Variants in LIG1 observed in about 807,000 individuals in gnomAD.
The protein encoded by LIG1 is DNA ligase 1.
A neutral mutation model predicts 115.7 loss-of-function variants in LIG1; 70 were observed. The ratio of observed to expected loss-of-function variants is 0.60; its 90% confidence interval spans 0.50 to 0.74. The LOEUF is 0.74. LIG1 is among the 30% of genes least tolerant of loss of function. The probability of loss-of-function intolerance (pLI) is 0.00; values close to 1 mark genes in which losing one functional copy is unlikely to be tolerated. For synonymous variants in LIG1, 487 were observed against 495.3 expected (o/e 0.98, Z 0.22); for missense variants, 1,115 against 1,225.6 (o/e 0.91, Z 1.35).
intron 9 of LIG1, among the ~76,000 whole-genome samples, chr19:48,144,316 G>C (rs907289995): frequency 2.0e-5 from 3 of 152,168 alleles, no homozygotes; most frequent in Non-Finnish European, 4.4e-5. Context: ...GGCAGCAGGG[G>C]ACGAGCATTC....
intron 4 of LIG1, chr19:48,161,152 G>A (rs1339752790): frequency 1.6e-6 from 1 of 618,016 alleles, no homozygotes; most frequent in African/African-American, 1.8e-5. Context: ...TGTTACAGTT[G>A]AGGCATCCAA....
chr19:48,138,666 C>T lies in LIG1; in HGVS notation c.1088-978G>A, dbSNP rs546247744. On this transcript the variant is annotated intron_variant, in intron 12 of 27. Coordinates refer to ENST00000263274, the MANE Select transcript of LIG1 (RefSeq NM_000234.3). ...GAGAGCAGTGTGAGTGTGAACACGACCCATCAAGGGTGGAGGCATGAGACA... is the reference window on the plus strand; with the variant it reads ...GAGAGCAGTGTGAGTGTGAACACGATCCATCAAGGGTGGAGGCATGAGACA... Among the ~76,000 whole-genome samples the T allele has an allele frequency of 1.7e-4, 26 of 152,316 alleles. No individual in the cohort carries two copies. In the East Asian group the frequency reaches 5.0e-3, roughly 29 times the overall value.
At chr19:48,149,696 G>A in intron 9 of LIG1, 67 bp downstream of exon 9, 1 of 1,250,706 alleles carries the variant, frequency 8.0e-7, no homozygotes, top group Non-Finnish European at 1.2e-6. Flanking sequence ...GCTGGGGGTG[G>A]GGCTGTCGGA....
intron 24 of LIG1, among the ~76,000 whole-genome samples, chr19:48,119,514 G>GTCC (rs1196480777): frequency 6.9e-6 from 1 of 144,680 alleles, no homozygotes; most frequent in Non-Finnish European, 1.5e-5. Flanking sequence ...GTAACTGGCT[G>GTCC]TCCTCACTTC....
At chr19:48,154,119 C>T in intron 5 of LIG1, 152 bp from the exon 6 acceptor site, 1 of 707,854 alleles carries the variant, frequency 1.4e-6, no homozygotes, top group South Asian at 1.5e-5. Flanking sequence ...GCAGGCCGCA[C>T]CCTTCAATCC....
chr19:48,117,303 G>A (rs1304575963), intron 26 of LIG1, among the ~76,000 whole-genome samples: 1 of 151,092 alleles, frequency 6.6e-6, no homozygotes, highest in Admixed American at 6.6e-5. Flanking sequence ...GGGACTACAG[G>A]CACCCGCCAT....
chr19:48,119,246 C>T, intron 24 of LIG1, 56 bp from the exon 25 acceptor site: 13 of 1,395,970 alleles, frequency 9.3e-6, no homozygotes, highest in South Asian at 1.2e-5. Context: ...CCAGCACTTG[C>T]TCCTGCCATC....
At position 48,122,777 on chromosome 19, in the gene LIG1, G is replaced by A. The variant is rs528042357; in HGVS notation, c.2232+157C>T. ...GAGCAAGGGCTCGCAGCAGGGAGAA[G>A]GTCTGAACTCAGTTGCAGCAGGGGG... is the stretch of plus-strand genomic sequence containing the variant. On this transcript the variant is annotated intron_variant, in intron 23 of 27. Coordinates refer to ENST00000263274, the MANE Select transcript of LIG1 (RefSeq NM_000234.3). This position sits in a 1 kb window ranked among gnomAD's most constrained non-coding sequence, Gnocchi z 4.3. Among the ~76,000 whole-genome samples, 52 of 152,126 alleles carry A rather than the reference G, an allele frequency of 3.4e-4. No individual in the cohort carries two copies. The highest frequency in any genetic ancestry group is 6.6e-5 in the Admixed American group (1 of 15,252).
intron 24 of LIG1, chr19:48,120,438 G>T (rs1477660568): frequency 2.0e-5 from 20 of 985,204 alleles, no homozygotes; most frequent in Non-Finnish European, 2.4e-5. Flanking sequence ...CGTGTCTCTG[G>T]GTGGTACGAT....
intron 9 of LIG1, among the ~76,000 whole-genome samples, chr19:48,145,100 T>C (rs1186643602): frequency 2.0e-5 from 3 of 152,188 alleles, no homozygotes; most frequent in African/African-American, 7.2e-5. Context: ...GGTTTTGCCG[T>C]GTTGCACACG....
chr19:48,153,565 C>CCTG (rs2035606430), intron 6 of LIG1, among the ~76,000 whole-genome samples: 1 of 151,072 alleles, frequency 6.6e-6, no homozygotes, highest in African/African-American at 2.4e-5. Flanking sequence ...TTCCTGGATG[C>CCTG]CTGGACACAG....
chr19:48,119,527 GTC>G (rs377203475), intron 24 of LIG1, among the ~76,000 whole-genome samples: 11 of 120,820 alleles, frequency 9.1e-5, no homozygotes, highest in Middle Eastern at 4.6e-3. Flanking sequence ...CTCACTTCCA[GTC>G]TTTTTTTTTT....
At chr19:48,133,598 G>A (rs1230747953) in intron 17 of LIG1, 10 of 328,580 alleles carry the variant, frequency 3.0e-5, no homozygotes, top group Non-Finnish European at 5.9e-5. Context: ...CTGCCTTCTG[G>A]CCCATTTTTA....
At chr19:48,165,463 G>T in intron 2 of LIG1, 87 bp downstream of exon 2, 1 of 1,107,418 alleles carries the variant, frequency 9.0e-7, no homozygotes, top group South Asian at 1.2e-5. Context: ...GTTTTTGTTT[G>T]TTTGTTTGTT....
At chr19:48,167,532 C>A (rs934693239) in intron 1 of LIG1, among the ~76,000 whole-genome samples, 1 of 152,100 alleles carries the variant, frequency 6.6e-6, no homozygotes, top group Non-Finnish European at 1.5e-5. Context: ...ATTTTGGAAT[C>A]AAAAAACTCA....
Position 48,130,934 on chromosome 19 carries a change from TG to T in LIG1, c.1821+141del, listed in dbSNP as rs1483358271. On this transcript the variant is annotated intron_variant, in intron 19 of 27. Transcript: ENST00000263274. ...TGGGCTTACACCACGCAGGACTGAG[TG>T]CTCTGTCATTTGCAGCCAAACGCAA... 4.3e-6 allele frequency: 3 copies of T among 701,720 alleles called. No homozygotes were observed. The East Asian group carries it at 8.2e-5, about 19-fold the overall frequency. 43.5% of individuals were successfully genotyped at this position (701,720 alleles called of 1,614,324 possible).
chr19:48,148,464 G>T (rs112897560), intron 9 of LIG1, among the ~76,000 whole-genome samples: 2,345 of 136,924 alleles, frequency 0.017, 79 homozygotes, highest in African/African-American at 0.065. Context: ...AACAGAGTGA[G>T]ATTCCATCTC....
chr19:48,169,445 T>C (rs976450778), intron 1 of LIG1, among the ~76,000 whole-genome samples: 1 of 152,138 alleles, frequency 6.6e-6, no homozygotes, highest in African/African-American at 2.4e-5. Context: ...GGATATACTC[T>C]TTTCACAACT....
At chr19:48,120,907 T>C in intron 24 of LIG1, 1 of 1,292,022 alleles carries the variant, frequency 7.7e-7, no homozygotes, top group Non-Finnish European at 9.8e-7. Flanking sequence ...AAAAATTCTT[T>C]TCTTATGTGA....
Sources: gnomAD v4.1 joint callset for allele counts (sites outside exome capture counted in the v4.1 genomes callset) on GRCh38, gnomAD v4.1.1 for gene constraint, Gnocchi (gnomAD v3.1) non-coding constraint, MANE v1.5 for transcripts, NCBI Gene and HGNC (gene_info 2026-07-23, HGNC 2026-07-21) for gene names.